Variants in NAT10 observed in about 807,000 individuals in gnomAD.
NAT10 encodes N-acetyltransferase 10, also known as RNA cytidine acetyltransferase.
Under a neutral mutation model 132.2 loss-of-function variants are expected in NAT10, and 109 were observed. That is an observed-to-expected ratio of 0.82 (90% CI 0.71 to 0.97). The LOEUF (loss-of-function observed/expected upper bound fraction) is 0.97. Among genes scored for constraint, NAT10 ranks in the 50% least tolerant of loss-of-function variants. NAT10 has a pLI of 0.00. For missense variants in NAT10, 1,184 were observed against 1,263.4 expected (o/e 0.94, Z 0.95); for synonymous variants, 479 against 478.0 (o/e 1.00, Z -0.03).
Position 34,132,279 on chromosome 11 carries a change from C to T in NAT10, c.1617+58C>T, listed in dbSNP as rs1852120305. 20 of 1,365,242 alleles carry T rather than the reference C, an allele frequency of 1.5e-5. No individual in the cohort carries two copies. In the South Asian group the frequency reaches 1.7e-4, roughly 12 times the overall value. The allele number at this position is 1,365,242 out of a possible 1,614,324, so 84.6% of individuals were successfully genotyped here. ...CAGGGAGCTTCAGCATTTGGCAGTC[C>T]CCTTTTACTTGATTTGCATATTTTA... On this transcript the variant is annotated intron_variant, in intron 15 of 28. Transcript: ENST00000257829.
chr11:34,142,815 T>C (rs1852364037), intron 27 of NAT10, among the ~76,000 whole-genome samples: 1 of 152,210 alleles, frequency 6.6e-6, no homozygotes, highest in African/African-American at 2.4e-5. Context: ...CTCCCTCCAC[T>C]GCCTGGATTG....
chr11:34,140,970 A>C, intron 24 of NAT10, 119 bp from the exon 25 acceptor site: 1 of 1,329,454 alleles, frequency 7.5e-7, no homozygotes, highest in Non-Finnish European at 1.0e-6. Context: ...CAATATACAC[A>C]GTGCTAGTCT....
chr11:34,142,384 T>C, intron 27 of NAT10, 36 bp downstream of exon 27: 1 of 1,592,534 alleles, frequency 6.3e-7, no homozygotes, highest in Non-Finnish European at 8.6e-7. Context: ...TTGCCTTGGC[T>C]TCTGGGGCCC....
chr11:34,128,213 G>C lies in NAT10; in HGVS notation c.1244+614G>C, dbSNP rs112596492. The stretch of plus-strand genomic sequence containing the variant: ...TACTAAAAATACAAAAATTAGCTGG[G>C]TCTGGTGGCGCGTGCCTGTAATCCC... On this transcript the variant is annotated intron_variant, in intron 12 of 28. Coordinates refer to ENST00000257829, the MANE Select transcript of NAT10 (RefSeq NM_024662.3). Among the ~76,000 whole-genome samples, 419 of 152,104 alleles carry C rather than the reference G, an allele frequency of 2.8e-3. 3 individuals are homozygous for C. Among genetic ancestry groups the C allele is most frequent in the African/African-American group, 9.4e-3 (391 of 41,510 alleles).
At chr11:34,110,180 T>G (rs796825897) in intron 3 of NAT10, among the ~76,000 whole-genome samples, 219 of 152,270 alleles carry the variant, frequency 1.4e-3, no homozygotes, top group African/African-American at 5.1e-3. Flanking sequence ...GTCTCCTTAC[T>G]CTAAACCTAG....
At chr11:34,136,590 G>T (rs1852217558) in intron 19 of NAT10, 52 bp from the exon 20 acceptor site, 8 of 1,610,098 alleles carry the variant, frequency 5.0e-6, no homozygotes, top group South Asian at 1.1e-5. Flanking sequence ...GCTTGACGAT[G>T]TCTCTCTCCC....
At chr11:34,143,369 G>A in intron 27 of NAT10, 76 bp from the exon 28 acceptor site, 5 of 1,269,392 alleles carry the variant, frequency 3.9e-6, no homozygotes, top group Non-Finnish European at 5.6e-6. Context: ...TAAGAATGTT[G>A]TCACTGTCGT....
chr11:34,140,996 G>A, intron 24 of NAT10, 93 bp from the exon 25 acceptor site: 1 of 1,542,558 alleles, frequency 6.5e-7, no homozygotes, highest in Non-Finnish European at 8.9e-7. Context: ...TGTACCAATA[G>A]CTTTGGTCAA....
chr11:34,131,187 G>A (rs1032879221), intron 13 of NAT10, among the ~76,000 whole-genome samples, 194 bp from the exon 14 acceptor site: 1 of 152,192 alleles, frequency 6.6e-6, no homozygotes, highest in Non-Finnish European at 1.5e-5. Flanking sequence ...GTTGCATTGA[G>A]ATCCCTTTGG....
intron 15 of NAT10, among the ~76,000 whole-genome samples, 171 bp from the exon 16 acceptor site, chr11:34,132,855 G>T (rs1381781120): frequency 6.6e-6 from 1 of 152,238 alleles, no homozygotes; most frequent in Admixed American, 6.5e-5. Flanking sequence ...AACCTGTTAT[G>T]AAGAGTCTCA....
At position 34,120,143 on chromosome 11, in the gene NAT10, GTT is replaced by G. The variant is rs771235436; in HGVS notation, c.780+1659_780+1660del. ...TTTGTTGTTGTTGTTGTTGCTGTTG[GTT>G]TTTTTTTTTTTTTTTTTTGGTGAGC... On this transcript the variant is annotated intron_variant, in intron 8 of 28. Coordinates refer to ENST00000257829, the MANE Select transcript of NAT10 (RefSeq NM_024662.3). 5.6e-3 allele frequency among the ~76,000 whole-genome samples: 530 copies of G among 94,102 alleles called. 4 individuals are homozygous for G. The highest frequency in any genetic ancestry group is 0.022 in the African/African-American group (504 of 22,728). 61.7% of individuals were successfully genotyped at this position (94,102 alleles called of 152,430 possible).
At chr11:34,125,068 C>T (rs1305920119) in intron 11 of NAT10, among the ~76,000 whole-genome samples, 5 of 152,218 alleles carry the variant, frequency 3.3e-5, no homozygotes, top group Non-Finnish European at 4.4e-5. Context: ...TATACCCTAG[C>T]ACTTTATGCC....
At chr11:34,133,262 A>T in intron 16 of NAT10, 120 bp downstream of exon 16, 1 of 804,096 alleles carries the variant, frequency 1.2e-6, no homozygotes, top group African/African-American at 1.7e-5. Flanking sequence ...GTCTGGAACC[A>T]AGGGGCTGGG....
chr11:34,112,396 T>C (rs1851711583), intron 4 of NAT10, among the ~76,000 whole-genome samples, 173 bp downstream of exon 4: 1 of 152,234 alleles, frequency 6.6e-6, no homozygotes, highest in African/African-American at 2.4e-5. Flanking sequence ...CTCGGTCACC[T>C]ACCCCATATA....
chr11:34,140,773 G>C (rs574107188), intron 24 of NAT10, among the ~76,000 whole-genome samples: 3 of 152,238 alleles, frequency 2.0e-5, no homozygotes, highest in East Asian at 3.9e-4. Flanking sequence ...TACAAAGTGA[G>C]AGAGCTGCAG....
chr11:34,114,795 A>G (rs1294490962), intron 5 of NAT10, among the ~76,000 whole-genome samples: 3 of 152,126 alleles, frequency 2.0e-5, no homozygotes, highest in African/African-American at 7.2e-5. Flanking sequence ...TTTTTCTTCA[A>G]AGCACTTGAC....
In NAT10 at chr11:34,112,106, G is replaced by A. The variant is rs572335171; in HGVS notation, c.255G>A (p.Leu85=). The A allele has an allele frequency of 2.9e-5, 47 of 1,614,168 alleles. No individual in the cohort carries two copies. Among genetic ancestry groups the A allele is most frequent in the South Asian group, 4.4e-5 (4 of 91,078 alleles). ...AGAAGAAAATAAAGAATGGAACACTGAACATAAAGCAGGACGACCCCTTTG... is the reference window on the plus strand; with the variant it reads ...AGAAGAAAATAAAGAATGGAACACTAAACATAAAGCAGGACGACCCCTTTG... ...QLQKKIKNGT[L]NIKQDDPFEL... The change falls in exon 4 of 29, where the codon CTG becomes CTA. Residue 85 remains leucine, a synonymous_variant. Transcript: ENST00000257829.
intron 12 of NAT10, among the ~76,000 whole-genome samples, chr11:34,128,856 C>T (rs1852049170): frequency 6.6e-6 from 1 of 152,198 alleles, no homozygotes; most frequent in African/African-American, 2.4e-5. Context: ...ACCCCCCAAC[C>T]CTAGGGAGTC....
rs748848946 is a variant in NAT10 at position 34,141,705 on chromosome 11, G to C, written c.2713-14G>C. 2 of 1,612,906 alleles carry C rather than the reference G, an allele frequency of 1.2e-6. No homozygotes were observed. Among genetic ancestry groups the C allele is most frequent in the East Asian group, 2.2e-5 (1 of 44,898 alleles). On this transcript the variant is annotated splice_polypyrimidine_tract_variant and intron_variant, in intron 25 of 28. Transcript: ENST00000257829. ...TCCTTCATCTTCTGCTTCTCTGTTG[G>C]TTGTCTTTTGTAGCTATTTAATGAA...
Sources: gnomAD v4.1 joint callset for allele counts (sites outside exome capture counted in the v4.1 genomes callset) on GRCh38, gnomAD v4.1.1 for gene constraint, MANE v1.5 for transcripts, NCBI Gene and HGNC (gene_info 2026-07-23, HGNC 2026-07-21) for gene names.